Variants in MYO16 observed in about 807,000 individuals in gnomAD.
MYO16 encodes myosin XVI.
MYO16 carries 94 observed loss-of-function variants against 205.3 expected under a neutral mutation model. The observed-to-expected ratio is 0.46, with a 90% confidence interval of 0.39 to 0.54. The LOEUF is 0.54. Ranked by LOEUF, MYO16 falls within the 20% of genes least tolerant of loss-of-function variation. The pLI is 0.00. For synonymous variants in MYO16, 988 were observed against 954.0 expected, an observed-to-expected ratio of 1.04 and a Z score of -0.66; for missense variants, 2,315 against 2,387.5, an observed-to-expected ratio of 0.97 and a Z score of 0.63.
intron 17 of MYO16, 61 bp downstream of exon 17, chr13:108,957,860 A>G: frequency 1.5e-6 from 2 of 1,326,978 alleles, no homozygotes; most frequent in Non-Finnish European, 2.1e-6. Context: ...TATAAAAGTT[A>G]TTCATTCAAA....
intron 6 of MYO16, among the ~76,000 whole-genome samples, chr13:108,797,815 A>C (rs1566335601): frequency 6.6e-6 from 1 of 152,260 alleles, no homozygotes; most frequent in Admixed American, 6.5e-5. Flanking sequence ...CTGCTAAGTA[A>C]AAACAAAATG....
At chr13:109,166,310 T>A (rs1878659365) in intron 33 of MYO16, among the ~76,000 whole-genome samples, 1 of 152,192 alleles carries the variant, frequency 6.6e-6, no homozygotes, top group Non-Finnish European at 1.5e-5. Context: ...GTAATAAAAT[T>A]GAGTACAACA....
intron 2 of MYO16, among the ~76,000 whole-genome samples, chr13:108,702,643 AC>A (rs1244264615): frequency 1.3e-5 from 2 of 152,204 alleles, no homozygotes; most frequent in East Asian, 1.9e-4. Context: ...ATATAAAAAA[AC>A]AGTATTGCCT....
At chr13:108,826,200 C>T (rs1241206512) in intron 9 of MYO16, among the ~76,000 whole-genome samples, 1 of 152,090 alleles carries the variant, frequency 6.6e-6, no homozygotes, top group African/African-American at 2.4e-5. Flanking sequence ...GTAACTAAGA[C>T]ATTGTGATAC....
intron 23 of MYO16, among the ~76,000 whole-genome samples, chr13:109,022,585 A>G (rs1886101365): frequency 1.5e-5 from 2 of 136,104 alleles, no homozygotes; most frequent in Non-Finnish European, 3.0e-5. Flanking sequence ...ACATATGTAT[A>G]TATTTCTATA....
At chr13:108,548,094 T>C in the MYO16 span, among the ~76,000 whole-genome samples, 1 of 152,218 alleles carries the variant, frequency 6.6e-6, no homozygotes, top group Non-Finnish European at 1.5e-5. Context: ...AGATAATCTT[T>C]TAAAATCTTT....
intron 3 of MYO16, among the ~76,000 whole-genome samples, chr13:108,724,141 T>C (rs1884258232): frequency 6.6e-6 from 1 of 152,222 alleles, no homozygotes; most frequent in Non-Finnish European, 1.5e-5. Context: ...ATCTTTGTTT[T>C]TTGTATAGTG....
chr13:108,714,102 G>C (rs769880555), intron 3 of MYO16, among the ~76,000 whole-genome samples: 2 of 152,098 alleles, frequency 1.3e-5, no homozygotes, highest in Non-Finnish European at 2.9e-5. Flanking sequence ...TGTCGCCCAG[G>C]CTGGAGTGCA....
chr13:109,144,009 AGAAGTG>A (rs1183137133), intron 32 of MYO16, among the ~76,000 whole-genome samples: 1 of 147,768 alleles, frequency 6.8e-6, no homozygotes, highest in Non-Finnish European at 1.5e-5. Context: ...TATACAGTTG[AGAAGTG>A]TATAATAATT....
chr13:108,685,539 A>G (rs7998239), intron 2 of MYO16, among the ~76,000 whole-genome samples: 61,656 of 152,014 alleles, frequency 0.41, 13,171 homozygotes, highest in African/African-American at 0.54. Context: ...TGAGTGTTTC[A>G]GGTGTAGTAG....
At chr13:109,146,588 G>T (rs1248531885) in intron 32 of MYO16, among the ~76,000 whole-genome samples, 1 of 151,780 alleles carries the variant, frequency 6.6e-6, no homozygotes, top group African/African-American at 2.4e-5. Flanking sequence ...TTCAGGACTA[G>T]CCCTGGCAAA....
rs759565711 is a variant in MYO16 at position 109,140,388 on chromosome 13, G to C, written c.4176G>C (p.Arg1392=). 5 of 1,596,020 alleles carry C rather than the reference G, an allele frequency of 3.1e-6. No homozygotes were observed. In the South Asian group the frequency reaches 4.4e-5, roughly 14 times the overall value. ...CCTACGAGGAGATATCGGGGTCCCGGCCCGGGGACGCGAGGCCCGCGGGCG... is the reference window on the plus strand; with the variant it reads ...CCTACGAGGAGATATCGGGGTCCCGCCCCGGGGACGCGAGGCCCGCGGGCG... The part of the protein sequence containing the change: ...SGSYEEISGS[R]PGDARPAGAP... The change falls in exon 32 of 35, where the codon CGG becomes CGC. Residue 1392 remains arginine (R), a synonymous_variant. Coordinates refer to ENST00000457511, the MANE Select transcript of MYO16 (RefSeq NM_001198950.3). The surrounding 1 kb of genome is among the most constrained non-coding windows in gnomAD (Gnocchi z 8.0).
At chr13:109,175,448 C>T (rs1388055496) in intron 33 of MYO16, among the ~76,000 whole-genome samples, 1 of 152,202 alleles carries the variant, frequency 6.6e-6, no homozygotes, top group Non-Finnish European at 1.5e-5. Context: ...TTCCCCTGAA[C>T]ATCTGCATGT....
chr13:108,934,951 T>C (rs2139299906), intron 16 of MYO16, among the ~76,000 whole-genome samples: 1 of 152,272 alleles, frequency 6.6e-6, no homozygotes, highest in East Asian at 1.9e-4. Flanking sequence ...GCTATATTTC[T>C]GGGCTCTCTA....
In MYO16 at chr13:108,925,842, G is replaced by A. The variant is rs545159181; in HGVS notation, c.1925+15692G>A. Among the ~76,000 whole-genome samples the A allele has an allele frequency of 4.8e-4, 73 of 152,274 alleles. No individual in the cohort carries two copies. In the Middle Eastern group the frequency reaches 0.01, roughly 21 times the overall value. ...CCCCCATGAAAAGTCATGCCCCACT[G>A]AGTGGTTCAGAGTGTGCTTTCTAAA... On this transcript the variant is annotated intron_variant, in intron 16 of 34. Transcript: ENST00000457511.
intron 1 of MYO16, among the ~76,000 whole-genome samples, chr13:108,644,156 A>G (rs2139384737): frequency 6.6e-6 from 1 of 152,166 alleles, no homozygotes; most frequent in South Asian, 2.1e-4. Context: ...GAAATTCCTG[A>G]GCTCATTCTG....
chr13:108,908,816 A>G (rs1448444635), intron 15 of MYO16, among the ~76,000 whole-genome samples: 3 of 151,944 alleles, frequency 2.0e-5, no homozygotes, highest in Non-Finnish European at 4.4e-5. Context: ...TCTACTAAAA[A>G]TACAAAAATT....
chr13:108,967,151 A>ATGTGTGTG (rs1225470424), intron 20 of MYO16, among the ~76,000 whole-genome samples: 14 of 132,122 alleles, frequency 1.1e-4, no homozygotes, highest in African/African-American at 3.6e-4. Context: ...TACTGACTAT[A>ATGTGTGTG]TATATGTGTG....
the MYO16 span, among the ~76,000 whole-genome samples, chr13:108,504,393 C>T: frequency 6.6e-6 from 1 of 152,168 alleles, no homozygotes; most frequent in Non-Finnish European, 1.5e-5. Flanking sequence ...TCCCAAAGTG[C>T]TGGGATTATA....
Sources: allele counts gnomAD v4.1 joint callset (sites outside exome capture counted in the v4.1 genomes callset), GRCh38; gene constraint gnomAD v4.1.1; non-coding constraint Gnocchi (gnomAD v3.1); transcripts MANE v1.5; gene names NCBI Gene and HGNC (gene_info 2026-07-23, HGNC 2026-07-21).